Variants in TIMP3 observed in about 807,000 individuals in gnomAD.
TIMP3 encodes the protein metalloproteinase inhibitor 3.
In TIMP3, 11 loss-of-function variants were observed where a neutral mutation model predicts 30.0. That is an observed-to-expected ratio of 0.37 (90% CI 0.23 to 0.61). The LOEUF (loss-of-function observed/expected upper bound fraction) is 0.61. Ranked by LOEUF, TIMP3 falls within the 20% of genes least tolerant of loss-of-function variation. TIMP3 has a pLI of 0.70. For missense variants in TIMP3, 181 were observed against 276.8 expected (o/e 0.65, Z 2.45); for synonymous variants, 112 against 111.3 (o/e 1.01, Z -0.04).
chr22:32,825,970 G>C (rs78022998), intron 1 of TIMP3, among the ~76,000 whole-genome samples: 2 of 152,204 alleles, frequency 1.3e-5, no homozygotes, highest in Non-Finnish European at 2.9e-5. Flanking sequence ...CAAGTTTATA[G>C]TAGCATAGGG....
intron 1 of TIMP3, among the ~76,000 whole-genome samples, chr22:32,830,876 T>A (rs2047553255): frequency 6.6e-6 from 1 of 152,122 alleles, no homozygotes; most frequent in African/African-American, 2.4e-5. Flanking sequence ...CGTAGCAAAA[T>A]CCACCCAGAA....
intron 1 of TIMP3, among the ~76,000 whole-genome samples, chr22:32,824,739 G>A (rs535118004): frequency 1.3e-5 from 2 of 152,092 alleles, no homozygotes; most frequent in East Asian, 1.9e-4. Context: ...CTCTGCTTTC[G>A]ATGTTGTTCT....
chr22:32,830,154 C>A (rs192669322), intron 1 of TIMP3, among the ~76,000 whole-genome samples: 12 of 152,294 alleles, frequency 7.9e-5, no homozygotes, highest in Admixed American at 7.8e-4. Flanking sequence ...TTTGCATTTT[C>A]TTTTCTCTCT....
intron 1 of TIMP3, among the ~76,000 whole-genome samples, chr22:32,830,122 C>T (rs1172883052): frequency 6.6e-6 from 1 of 152,122 alleles, no homozygotes; most frequent in Non-Finnish European, 1.5e-5. Context: ...CTTGCACGGC[C>T]CATATGGGTC....
rs887842723 is a variant in TIMP3 at position 32,813,571 on chromosome 22, C to T, written c.121+11449C>T. 4.0e-5 allele frequency among the ~76,000 whole-genome samples: 6 copies of T among 151,484 alleles called. 1 individual carries two copies. The highest frequency in any genetic ancestry group is 1.5e-4 in the African/African-American group (6 of 41,002). On this transcript the variant is annotated intron_variant, in intron 1 of 4. Coordinates refer to ENST00000266085, the MANE Select transcript of TIMP3 (RefSeq NM_000362.5). The stretch of plus-strand genomic sequence containing the variant: ...ACAAAACATGTCCATGGGCCAGATT[C>T]AGCCTTGTGGGTCACCAGTTTTGTG...
At chr22:32,836,957 T>C (rs2047749014) in intron 1 of TIMP3, among the ~76,000 whole-genome samples, 2 of 152,130 alleles carry the variant, frequency 1.3e-5, no homozygotes, top group Non-Finnish European at 2.9e-5. Flanking sequence ...TGGGAACAGA[T>C]TTGCTGTCTG....
chr22:32,851,997 G>C (rs1463247576), intron 2 of TIMP3, among the ~76,000 whole-genome samples: 1 of 152,118 alleles, frequency 6.6e-6, no homozygotes, highest in East Asian at 1.9e-4. Context: ...ATGAACTGGG[G>C]ATACAAAGAT....
chr22:32,821,351 C>T (rs1224282228), intron 1 of TIMP3, among the ~76,000 whole-genome samples: 7 of 152,152 alleles, frequency 4.6e-5, no homozygotes, highest in South Asian at 2.1e-4. Context: ...ACATTCTTTA[C>T]GTTCCATTGA....
chr22:32,813,119 G>A (rs1601420647), intron 1 of TIMP3, among the ~76,000 whole-genome samples: 3 of 152,286 alleles, frequency 2.0e-5, no homozygotes. Context: ...ACAGAAGCTG[G>A]ATATTTGAGT....
intron 1 of TIMP3, among the ~76,000 whole-genome samples, chr22:32,839,084 G>C (rs2047819124): frequency 6.6e-6 from 1 of 151,888 alleles, no homozygotes; most frequent in Non-Finnish European, 1.5e-5. Context: ...AGATGCACAG[G>C]GAGGAAGTGA....
chr22:32,807,278 A>G (rs887046660), intron 1 of TIMP3, among the ~76,000 whole-genome samples: 2 of 138,576 alleles, frequency 1.4e-5, no homozygotes, highest in African/African-American at 2.7e-5. Flanking sequence ...ATTACTGTGG[A>G]TTGATGGTTT....
At chr22:32,803,424 G>A in intron 1 of TIMP3, among the ~76,000 whole-genome samples, 1 of 152,134 alleles carries the variant, frequency 6.6e-6, no homozygotes, top group East Asian at 1.9e-4. Flanking sequence ...CAGAGTGGGG[G>A]TGTGGTGACC....
intron 1 of TIMP3, among the ~76,000 whole-genome samples, chr22:32,842,385 C>T (rs925345212): frequency 2.0e-5 from 3 of 152,104 alleles, no homozygotes; most frequent in Admixed American, 2.0e-4. Context: ...AGGCCCTTTC[C>T]TCTCACCTAG....
chr22:32,802,913 G>A (rs1215705902), intron 1 of TIMP3, among the ~76,000 whole-genome samples: 1 of 152,134 alleles, frequency 6.6e-6, no homozygotes, highest in African/African-American at 2.4e-5. Flanking sequence ...AACCTGCCAA[G>A]GGTCACATCA....
chr22:32,819,925 A>G (rs770531120), intron 1 of TIMP3, among the ~76,000 whole-genome samples: 1 of 152,134 alleles, frequency 6.6e-6, no homozygotes, highest in Non-Finnish European at 1.5e-5. Context: ...TCTCGCAACC[A>G]TAGTTTTCTG....
chr22:32,852,382 C>A (rs1018942984), intron 2 of TIMP3, among the ~76,000 whole-genome samples: 2 of 152,176 alleles, frequency 1.3e-5, no homozygotes, highest in Non-Finnish European at 2.9e-5. Flanking sequence ...GTTGGTTTAT[C>A]ATCCAGCAGT....
rs5845033 is a variant in TIMP3 at position 32,807,293 on chromosome 22, GAT to G, written c.121+5183_121+5184del. On this transcript the variant is annotated intron_variant, in intron 1 of 4. Transcript: ENST00000266085. ...ATTACTGTGGATTGATGGTTTGGAG[GAT>G]ATATATATATAAATATATAATATAT... Among the ~76,000 whole-genome samples, 86 of 124,794 alleles carry G rather than the reference GAT, an allele frequency of 6.9e-4. 1 individual carries two copies. Among genetic ancestry groups the G allele is most frequent in the Non-Finnish European group, 6.9e-4 (43 of 62,352 alleles). The allele number at this position is 124,794 out of a possible 152,430, so 81.9% of individuals were successfully genotyped here.
In TIMP3 at chr22:32,859,562, C is replaced by T; in HGVS notation, c.*185C>T. 2 of 734,326 alleles carry T rather than the reference C, an allele frequency of 2.7e-6. No homozygotes were observed. Among genetic ancestry groups the T allele is most frequent in the East Asian group, 2.8e-5 (1 of 36,200 alleles). The allele number at this position is 734,326 out of a possible 1,614,324, so 45.5% of individuals were successfully genotyped here. A position where few individuals can be genotyped will look rare whatever the true frequency, so the allele number is the denominator to read the frequency against. ...TTGGGAACTATCCTCCTGGCCCCAC[C>T]CTGCCCCTTCTTTTTGGTTTTGACA... On this transcript the variant is annotated 3_prime_UTR_variant, in exon 5 of 5. Coordinates refer to ENST00000266085, the MANE Select transcript of TIMP3 (RefSeq NM_000362.5).
In TIMP3 at chr22:32,830,822, C is replaced by T. The variant is rs181503393; in HGVS notation, c.122-18630C>T. Among the ~76,000 whole-genome samples the T allele has an allele frequency of 1.8e-3, 274 of 152,320 alleles. 2 individuals carry two copies. Among genetic ancestry groups the T allele is most frequent in the African/African-American group, 5.6e-3 (234 of 41,580 alleles). ...GCCCCTGGCTTCTCCCAGTGGATTC[C>T]GCAAGGTGTTTCCTGCAAATCCTGC... On this transcript the variant is annotated intron_variant, in intron 1 of 4. Coordinates refer to ENST00000266085, the MANE Select transcript of TIMP3 (RefSeq NM_000362.5).
Sources: allele counts gnomAD v4.1 joint callset (sites outside exome capture counted in the v4.1 genomes callset), GRCh38; gene constraint gnomAD v4.1.1; transcripts MANE v1.5; gene names NCBI Gene and HGNC (gene_info 2026-07-23, HGNC 2026-07-21).